Variants in KIAA1217 observed in about 807,000 individuals in gnomAD.
KIAA1217 encodes KIAA1217.
Under a neutral mutation model 163.9 loss-of-function variants are expected in KIAA1217, and 88 were observed. That is an observed-to-expected ratio of 0.54 (90% CI 0.45 to 0.64). The LOEUF (loss-of-function observed/expected upper bound fraction) is 0.64. KIAA1217 is among the 30% of genes least tolerant of loss of function. The pLI is 0.00. For synonymous variants in KIAA1217, 903 were observed against 923.1 expected (o/e 0.98, Z 0.39); for missense variants, 2,372 against 2,475.0 (o/e 0.96, Z 0.88).
intron 1 of KIAA1217, among the ~76,000 whole-genome samples, chr10:24,000,206 G>GT (rs1181148819): frequency 6.6e-6 from 1 of 152,142 alleles, no homozygotes; most frequent in Non-Finnish European, 1.5e-5. Flanking sequence ...ATATGGTTTG[G>GT]TTGTGTCCCC....
chr10:24,544,929 C>A, intron 19 of KIAA1217, 52 bp from the exon 20 acceptor site: 1 of 1,591,116 alleles, frequency 6.3e-7, no homozygotes, highest in Non-Finnish European at 8.6e-7. Flanking sequence ...TCACAGATGA[C>A]CTACTCATGC....
rs149903351 is a variant in KIAA1217 at position 23,992,513 on chromosome 10, T to A, written c.-320-14712T>A. On this transcript the variant is annotated intron_variant, in intron 1 of 18. Coordinates refer to the KIAA1217 transcript ENST00000376462. ...AATCATTTAGAATATGCTCATGTCC[T>A]GATTTGAGGTTGAAGACCCCCCAGG... Among the ~76,000 whole-genome samples, 241 of 152,186 alleles carry A rather than the reference T, an allele frequency of 1.6e-3. 1 individual carries two copies. Among genetic ancestry groups the A allele is most frequent in the African/African-American group, 5.5e-3 (229 of 41,532 alleles).
chr10:24,327,601 C>T (rs765456793), intron 2 of KIAA1217, among the ~76,000 whole-genome samples: 13 of 151,960 alleles, frequency 8.6e-5, no homozygotes, highest in Admixed American at 3.9e-4. Flanking sequence ...AGCGATCCTC[C>T]CACCTCAGCC....
chr10:23,903,645 G>A (rs1014580418), intron 1 of KIAA1217, among the ~76,000 whole-genome samples: 1 of 152,066 alleles, frequency 6.6e-6, no homozygotes, highest in African/African-American at 2.4e-5. Flanking sequence ...ATAGGACAGG[G>A]CACCTGTCAC....
chr10:24,526,897 CTT>C (rs2072272732), intron 13 of KIAA1217, among the ~76,000 whole-genome samples: 1 of 152,092 alleles, frequency 6.6e-6, no homozygotes, highest in Non-Finnish European at 1.5e-5. Flanking sequence ...TGTAATGAAA[CTT>C]GGGCAAATTC....
intron 1 of KIAA1217, among the ~76,000 whole-genome samples, chr10:23,977,550 T>C (rs1370389689): frequency 2.0e-5 from 3 of 152,096 alleles, no homozygotes; most frequent in Non-Finnish European, 4.4e-5. Context: ...AAAGAAGGAA[T>C]GAGACTAATG....
intron 1 of KIAA1217, among the ~76,000 whole-genome samples, chr10:23,954,265 T>C (rs1264579542): frequency 6.6e-6 from 1 of 151,956 alleles, no homozygotes; most frequent in African/African-American, 2.4e-5. Context: ...TGCTAGAGCC[T>C]CAATGAAAGG....
At chr10:24,319,175 C>T (rs927046055) in intron 2 of KIAA1217, among the ~76,000 whole-genome samples, 5 of 152,054 alleles carry the variant, frequency 3.3e-5, no homozygotes, top group Admixed American at 2.0e-4. Context: ...GTCAGGAGTT[C>T]GAGACCAGTG....
chr10:24,461,321 A>G (rs1006082127), intron 5 of KIAA1217, among the ~76,000 whole-genome samples: 2 of 151,946 alleles, frequency 1.3e-5, no homozygotes, highest in African/African-American at 4.8e-5. Flanking sequence ...AGAGCATAAC[A>G]TTCTTTTTTT....
intron 2 of KIAA1217, among the ~76,000 whole-genome samples, chr10:24,101,948 T>A (rs947483712): frequency 1.3e-5 from 2 of 152,164 alleles, no homozygotes; most frequent in Non-Finnish European, 2.9e-5. Flanking sequence ...ATGAAAATAG[T>A]CCAGAATTAG....
At chr10:23,907,109 T>C (rs1482068669) in intron 1 of KIAA1217, among the ~76,000 whole-genome samples, 1 of 152,116 alleles carries the variant, frequency 6.6e-6, no homozygotes, top group African/African-American at 2.4e-5. Flanking sequence ...TTCTCCCATG[T>C]GTATTAAAGC....
At chr10:24,404,797 T>A (rs948068162) in intron 3 of KIAA1217, among the ~76,000 whole-genome samples, 2 of 152,166 alleles carry the variant, frequency 1.3e-5, no homozygotes, top group Non-Finnish European at 2.9e-5. Context: ...CATGGAATAC[T>A]ACTCTGCAAC....
intron 1 of KIAA1217, among the ~76,000 whole-genome samples, chr10:23,857,427 ATT>A (rs1839744919): frequency 2.0e-5 from 3 of 152,154 alleles, no homozygotes; most frequent in African/African-American, 7.2e-5. Context: ...TAAGGAAAGG[ATT>A]TTCTGAAAGC....
intron 16 of KIAA1217, among the ~76,000 whole-genome samples, chr10:24,536,528 T>C (rs1236250197): frequency 6.6e-6 from 1 of 152,170 alleles, no homozygotes; most frequent in African/African-American, 2.4e-5. Context: ...AAGGTAGTAA[T>C]GTCTATTTTA....
At chr10:23,787,280 T>C (rs749014738) in intron 1 of KIAA1217, among the ~76,000 whole-genome samples, 7 of 152,172 alleles carry the variant, frequency 4.6e-5, no homozygotes, top group Non-Finnish European at 7.3e-5. Context: ...ATATATGAGA[T>C]TCTAAGAGAT....
chr10:24,538,955 A>G (rs983856909), intron 17 of KIAA1217, among the ~76,000 whole-genome samples: 1 of 151,690 alleles, frequency 6.6e-6, no homozygotes, highest in African/African-American at 2.4e-5. Flanking sequence ...GTTGGTCTTG[A>G]ACTCCTGACC....
intron 6 of KIAA1217, among the ~76,000 whole-genome samples, chr10:24,488,846 A>G (rs945014120): frequency 1.3e-5 from 2 of 152,202 alleles, no homozygotes; most frequent in Non-Finnish European, 2.9e-5. Context: ...GCCAAGATCA[A>G]AGAGTTTTAG....
rs1050123062 is a variant in KIAA1217, at chr10:23,781,145, A to T, written c.-321+85911A>T. ...ACTCCAGAAAAGGGATTATTGGGTC[A>T]TGTAGTAGTTCTGTTTTTAACTTTT... On this transcript the variant is annotated intron_variant, in intron 1 of 18. Coordinates refer to the KIAA1217 transcript ENST00000376462. Among the ~76,000 whole-genome samples, 10 of 152,348 alleles carry T rather than the reference A, an allele frequency of 6.6e-5. No individual in the cohort carries two copies. The South Asian group carries it at 2.1e-3, about 32-fold the overall frequency.
At chr10:24,123,186 ATGT>A (rs1339447949) in intron 2 of KIAA1217, among the ~76,000 whole-genome samples, 3 of 150,198 alleles carry the variant, frequency 2.0e-5, no homozygotes, top group Non-Finnish European at 3.0e-5. Flanking sequence ...TCATGTCTGT[ATGT>A]TGTTGTTATC....
Sources: allele counts gnomAD v4.1 joint callset (sites outside exome capture counted in the v4.1 genomes callset), GRCh38; gene constraint gnomAD v4.1.1; transcripts MANE v1.5; gene names NCBI Gene and HGNC (gene_info 2026-07-23, HGNC 2026-07-21).